The following CTNNA2 variants were observed in gnomAD, a reference collection of about 807,000 sequenced individuals.
CTNNA2 encodes catenin alpha-2.
CTNNA2 carries 42 observed loss-of-function variants against 101.0 expected under a neutral mutation model. The ratio of observed to expected loss-of-function variants is 0.42; its 90% CI spans 0.32 to 0.54. The LOEUF (loss-of-function observed/expected upper bound fraction) is 0.54. CTNNA2 is among the 20% of genes least tolerant of loss of function. The pLI, the probability that CTNNA2 is intolerant of heterozygous loss-of-function variation, is 0.14. For synonymous variants in CTNNA2, 450 were observed against 456.4 expected (o/e 0.99, Z 0.18); for missense variants, 871 against 1,223.1 (o/e 0.71, Z 4.29).
rs116064661 is a variant in CTNNA2, at chr2:80,492,924, C to T, written c.1291-52058C>T. Among the ~76,000 whole-genome samples, 1,013 of 152,178 alleles carry T rather than the reference C, an allele frequency of 6.7e-3. 4 individuals are homozygous for T. Among genetic ancestry groups the T allele is most frequent in the African/African-American group, 0.022 (923 of 41,506 alleles). Reference sequence around the variant, plus strand: ...ACTTCAGTTCTAAAATGTGGGACCCCGAATTTCATTTGATAGTTTCCTTGT... The same window carrying T: ...ACTTCAGTTCTAAAATGTGGGACCCTGAATTTCATTTGATAGTTTCCTTGT... On this transcript the variant is annotated intron_variant, in intron 9 of 18. Coordinates refer to ENST00000402739, the MANE Select transcript of CTNNA2 (RefSeq NM_001282597.3).
At chr2:80,224,049 C>T (rs143222789) in intron 7 of CTNNA2, among the ~76,000 whole-genome samples, 1 of 152,292 alleles carries the variant, frequency 6.6e-6, no homozygotes, top group Non-Finnish European at 1.5e-5. Context: ...GCCAGAGAAC[C>T]AGCCTTAGCT....
chr2:80,049,439 TATC>T (rs1376310309), intron 7 of CTNNA2, among the ~76,000 whole-genome samples: 1 of 152,160 alleles, frequency 6.6e-6, no homozygotes, highest in Non-Finnish European at 1.5e-5. Flanking sequence ...AAGTAAAAAT[TATC>T]ATACATTTTG....
chr2:79,936,143 G>A (rs1421220218), intron 7 of CTNNA2, among the ~76,000 whole-genome samples: 1 of 152,022 alleles, frequency 6.6e-6, no homozygotes, highest in East Asian at 1.9e-4. Context: ...TAAATGTGAA[G>A]AAAACCATAT....
intron 7 of CTNNA2, among the ~76,000 whole-genome samples, chr2:80,036,597 C>T (rs1312917563): frequency 6.6e-6 from 1 of 151,774 alleles, no homozygotes; most frequent in Non-Finnish European, 1.5e-5. Context: ...AGAGTGAGAC[C>T]CTGTCTTAGT....
At chr2:79,905,896 T>G (rs1387186805) in intron 6 of CTNNA2, among the ~76,000 whole-genome samples, 1 of 152,230 alleles carries the variant, frequency 6.6e-6, no homozygotes, top group Non-Finnish European at 1.5e-5. Flanking sequence ...TATTTCTTGC[T>G]CAGGATGGAT....
intron 7 of CTNNA2, among the ~76,000 whole-genome samples, chr2:80,366,059 A>G (rs573250275): frequency 1.5e-4 from 23 of 152,252 alleles, no homozygotes; most frequent in African/African-American, 5.3e-4. Context: ...AGGTAATGGG[A>G]TTAGAATGTG....
chr2:79,671,083 G>A (rs190346301), intron 2 of CTNNA2, among the ~76,000 whole-genome samples: 2 of 152,348 alleles, frequency 1.3e-5, no homozygotes, highest in Admixed American at 1.3e-4. Flanking sequence ...GTGAATGCAC[G>A]GCGCTGTCAT....
intron 7 of CTNNA2, among the ~76,000 whole-genome samples, chr2:79,950,257 C>A (rs1267731638): frequency 6.6e-6 from 1 of 152,046 alleles, no homozygotes; most frequent in East Asian, 1.9e-4. Flanking sequence ...ACCACACCTG[C>A]AAATATTTGT....
At chr2:79,214,542 C>T (rs913085704) in intron 2 of CTNNA2, among the ~76,000 whole-genome samples, 14 of 151,968 alleles carry the variant, frequency 9.2e-5, no homozygotes, top group African/African-American at 2.9e-4. Context: ...CCTTTTAAAG[C>T]GTGCTATGGG....
At chr2:80,013,482 T>C (rs562309502) in intron 7 of CTNNA2, among the ~76,000 whole-genome samples, 1 of 152,316 alleles carries the variant, frequency 6.6e-6, no homozygotes, top group South Asian at 2.1e-4. Flanking sequence ...CAGGCATTCA[T>C]TGACTATTTC....
rs542941990 is a variant in CTNNA2 at position 80,162,659 on chromosome 2, T to G, written c.1057-230552T>G. 3.1e-6 allele frequency: 5 copies of G among 1,612,638 alleles called. No homozygotes were observed. In the East Asian group the frequency reaches 1.1e-4, roughly 36 times the overall value. On this transcript the variant is annotated intron_variant, in intron 7 of 18. Coordinates refer to ENST00000402739, the MANE Select transcript of CTNNA2 (RefSeq NM_001282597.3). Reference sequence around the variant, plus strand: ...GAGAATTCATTCTGACTTTACGCTGTGATGATGGTGTACCTTGGCGCCACT... The same window carrying G: ...GAGAATTCATTCTGACTTTACGCTGGGATGATGGTGTACCTTGGCGCCACT...
intron 7 of CTNNA2, among the ~76,000 whole-genome samples, chr2:80,203,629 G>A (rs770388359): frequency 3.2e-4 from 49 of 152,182 alleles, no homozygotes; most frequent in Non-Finnish European, 6.0e-4. Context: ...TTCCCTCCTG[G>A]CTGCTTTCAC....
intron 7 of CTNNA2, among the ~76,000 whole-genome samples, chr2:80,156,219 A>G (rs149737794): frequency 5.3e-5 from 8 of 152,302 alleles, no homozygotes; most frequent in African/African-American, 1.9e-4. Context: ...TTCCAAATCT[A>G]GCCAATCATT....
chr2:80,037,406 G>C (rs530480579), intron 7 of CTNNA2, among the ~76,000 whole-genome samples: 34 of 152,178 alleles, frequency 2.2e-4, no homozygotes, highest in Non-Finnish European at 4.9e-4. Flanking sequence ...TCTCAACTCG[G>C]TCTCAGTTAC....
chr2:79,361,912 T>C (rs757384837), intron 3 of CTNNA2, among the ~76,000 whole-genome samples: 7 of 152,144 alleles, frequency 4.6e-5, no homozygotes, highest in Non-Finnish European at 1.0e-4. Flanking sequence ...TAATGGTAGG[T>C]CTGCCTTTCC....
chr2:80,588,604 A>C (rs553340265), intron 14 of CTNNA2, among the ~76,000 whole-genome samples: 1 of 152,344 alleles, frequency 6.6e-6, no homozygotes, highest in East Asian at 1.9e-4. Flanking sequence ...CTTACCTAGC[A>C]GTTATTGAAA....
intron 1 of CTNNA2, among the ~76,000 whole-genome samples, chr2:79,563,753 T>C (rs1674937418): frequency 6.6e-6 from 1 of 152,230 alleles, no homozygotes; most frequent in Non-Finnish European, 1.5e-5. Flanking sequence ...AATTATGTTA[T>C]GTGGAACTTA....
intron 2 of CTNNA2, among the ~76,000 whole-genome samples, chr2:79,295,895 A>G (rs535020323): frequency 5.3e-5 from 8 of 151,306 alleles, no homozygotes; most frequent in Non-Finnish European, 1.0e-4. Flanking sequence ...ACCTCAACAA[A>G]ATTGTGGGGA....
At chr2:79,602,050 A>AGAATG (rs3040898) in intron 1 of CTNNA2, among the ~76,000 whole-genome samples, 20,551 of 152,050 alleles carry the variant, frequency 0.14, 2,338 homozygotes, top group African/African-American at 0.32. Context: ...ATTGAAAAAC[A>AGAATG]GTTCTGTGGG....
Sources: allele counts gnomAD v4.1 joint callset (sites outside exome capture counted in the v4.1 genomes callset), GRCh38; gene constraint gnomAD v4.1.1; transcripts MANE v1.5; gene names NCBI Gene and HGNC (gene_info 2026-07-23, HGNC 2026-07-21).